Variants in MBNL1 observed in about 807,000 individuals in gnomAD.
The protein encoded by MBNL1 is muscleblind-like protein 1.
In MBNL1, 8 loss-of-function variants were observed where a neutral mutation model predicts 42.2. The observed-to-expected ratio is 0.19, with a 90% CI of 0.11 to 0.34. The LOEUF (loss-of-function observed/expected upper bound fraction) is 0.34, where lower values mean the gene tolerates loss of function less well. MBNL1 is among the 10% of genes least tolerant of loss of function. The pLI is 1.00. For synonymous variants in MBNL1, 169 were observed against 173.9 expected (o/e 0.97, Z 0.22); for missense variants, 309 against 495.3 (o/e 0.62, Z 3.57).
chr3:152,400,121 C>T (rs1261410663), intron 2 of MBNL1, among the ~76,000 whole-genome samples: 1 of 152,056 alleles, frequency 6.6e-6, no homozygotes, highest in Non-Finnish European at 1.5e-5. Flanking sequence ...ATGGGATTGC[C>T]ATGAGGATAA....
At chr3:152,364,251 T>C (rs994317110) in intron 2 of MBNL1, among the ~76,000 whole-genome samples, 39 of 152,072 alleles carry the variant, frequency 2.6e-4, no homozygotes, top group Non-Finnish European at 5.1e-4. Context: ...TCTTTTATGT[T>C]TAAAATTCCT....
intron 2 of MBNL1, chr3:152,339,663 T>G (rs1302675113): frequency 6.6e-6 from 1 of 152,166 alleles, no homozygotes; most frequent in Non-Finnish European, 1.5e-5. Flanking sequence ...TTAACGCTAT[T>G]AGCTTACTAC....
chr3:152,383,509 T>C (rs773199881), intron 2 of MBNL1, among the ~76,000 whole-genome samples: 1 of 151,994 alleles, frequency 6.6e-6, no homozygotes, highest in Non-Finnish European at 1.5e-5. Flanking sequence ...GAATTACTGT[T>C]CCATGAGTGT....
chr3:152,246,947 T>C (rs1233087402), intron 2 of MBNL1, among the ~76,000 whole-genome samples: 1 of 152,090 alleles, frequency 6.6e-6, no homozygotes, highest in Admixed American at 6.6e-5. Flanking sequence ...GAGGGCTCTA[T>C]CCCACTCCAA....
intron 4 of MBNL1, 32 bp from the exon 5 acceptor site, chr3:152,445,250 G>A (rs760481780): frequency 7.0e-6 from 11 of 1,580,788 alleles, no homozygotes; most frequent in Admixed American, 1.7e-5. Flanking sequence ...TCTTCATGTT[G>A]ACTAAACCTC....
chr3:152,269,044 T>G lies in MBNL1; in HGVS notation c.-838T>G, dbSNP rs1170181576. The G allele has an allele frequency of 4.4e-6, 2 of 455,956 alleles. No individual in the cohort carries two copies. Among genetic ancestry groups the G allele is most frequent in the Non-Finnish European group, 8.8e-6 (2 of 226,922 alleles). The allele number at this position is 455,956 out of a possible 1,614,324, so 28.2% of individuals were successfully genotyped here. On this transcript the variant is annotated 5_prime_UTR_variant, in exon 1 of 10. Coordinates refer to ENST00000324210, the MANE Select transcript of MBNL1 (RefSeq NM_021038.5). ...TGGAATCATGACTCCCACAATGCCT[T>G]GGGCACTTGGTCGACAGTGGGGCCG...
intron 2 of MBNL1, among the ~76,000 whole-genome samples, chr3:152,253,574 A>G (rs1048722868): frequency 6.6e-6 from 1 of 152,100 alleles, no homozygotes; most frequent in Non-Finnish European, 1.5e-5. Flanking sequence ...TTAGGATAAA[A>G]TCCAGATTCC....
chr3:152,427,441 G>A (rs2098947218), intron 3 of MBNL1, among the ~76,000 whole-genome samples: 1 of 152,090 alleles, frequency 6.6e-6, no homozygotes, highest in Admixed American at 6.5e-5. Context: ...CAGGCTAGAA[G>A]GCAGTGGTGC....
At chr3:152,407,971 T>G (rs2098473364) in intron 2 of MBNL1, among the ~76,000 whole-genome samples, 1 of 152,004 alleles carries the variant, frequency 6.6e-6, no homozygotes, top group East Asian at 1.9e-4. Context: ...CACTGGAGTT[T>G]GTTGGGGAGG....
chr3:152,312,986 T>A (rs1042676563), intron 2 of MBNL1, among the ~76,000 whole-genome samples: 1 of 152,004 alleles, frequency 6.6e-6, no homozygotes, highest in African/African-American at 2.4e-5. Context: ...ATCTTCAGAA[T>A]AATTGCAAAA....
intron 2 of MBNL1, chr3:152,341,011 C>CT: frequency 7.6e-7 from 1 of 1,314,310 alleles, no homozygotes; most frequent in Non-Finnish European, 1.0e-6. Flanking sequence ...CTGTACGATG[C>CT]TTATTTTTTA....
chr3:152,386,283 A>C (rs1033264928), intron 2 of MBNL1, among the ~76,000 whole-genome samples: 1 of 152,040 alleles, frequency 6.6e-6, no homozygotes, highest in African/African-American at 2.4e-5. Flanking sequence ...TGAACAAGAG[A>C]ATGCATTTGA....
At chr3:152,460,069 C>G (rs1463719879) in intron 9 of MBNL1, among the ~76,000 whole-genome samples, 2 of 151,776 alleles carry the variant, frequency 1.3e-5, no homozygotes, top group Non-Finnish European at 2.9e-5. Context: ...GCCTAGGCAA[C>G]ATGGTCAAAC....
At chr3:152,313,280 C>T (rs2068143534) in intron 2 of MBNL1, among the ~76,000 whole-genome samples, 2 of 152,182 alleles carry the variant, frequency 1.3e-5, no homozygotes, top group Non-Finnish European at 2.9e-5. Flanking sequence ...GCCTCGGCCT[C>T]CCAAAGTGCT....
upstream of MBNL1, chr3:152,267,054 G>A (rs2037373670): frequency 6.6e-6 from 1 of 152,302 alleles, no homozygotes; most frequent in African/African-American, 2.4e-5. Context: ...GAAAGGCTGA[G>A]AAGGCTGGCA....
chr3:152,451,779 C>T (rs939238119), intron 6 of MBNL1, among the ~76,000 whole-genome samples: 1 of 152,162 alleles, frequency 6.6e-6, no homozygotes, highest in Non-Finnish European at 1.5e-5. Flanking sequence ...AATGGTTGCT[C>T]TTGTTCCCTG....
chr3:152,369,777 G>A (rs2096581010), intron 2 of MBNL1, among the ~76,000 whole-genome samples: 1 of 152,142 alleles, frequency 6.6e-6, no homozygotes, highest in African/African-American at 2.4e-5. Flanking sequence ...ATTTCTTCTA[G>A]ATTTTCTAGT....
At chr3:152,385,705 A>G (rs1375782987) in intron 2 of MBNL1, among the ~76,000 whole-genome samples, 2 of 152,074 alleles carry the variant, frequency 1.3e-5, no homozygotes, top group Non-Finnish European at 2.9e-5. Flanking sequence ...TAAATGTGCC[A>G]CTTGCCTTTT....
intron 6 of MBNL1, among the ~76,000 whole-genome samples, chr3:152,451,101 C>T (rs1722010907): frequency 6.6e-6 from 1 of 152,040 alleles, no homozygotes; most frequent in African/African-American, 2.4e-5. Context: ...AAATGGAATT[C>T]TTTTATTTTT....
Sources: gnomAD v4.1 joint callset for allele counts (sites outside exome capture counted in the v4.1 genomes callset) on GRCh38, gnomAD v4.1.1 for gene constraint, MANE v1.5 for transcripts, NCBI Gene and HGNC (gene_info 2026-07-23, HGNC 2026-07-21) for gene names.